Variants in DTL observed in about 807,000 individuals in gnomAD.
DTL encodes the protein denticleless protein homolog.
Under a neutral mutation model 87.0 loss-of-function variants are expected in DTL, and 46 were observed. The ratio of observed to expected loss-of-function variants is 0.53; its 90% CI spans 0.42 to 0.68. The LOEUF is 0.68. Ranked by LOEUF, DTL falls within the 30% of genes least tolerant of loss-of-function variation. The probability of loss-of-function intolerance (pLI) is 0.00; values close to 1 mark genes in which losing one functional copy is unlikely to be tolerated. For synonymous variants in DTL, 308 were observed against 311.2 expected, an observed-to-expected ratio of 0.99 and a Z score of 0.11; for missense variants, 737 against 869.4, an observed-to-expected ratio of 0.85 and a Z score of 1.91.
At chr1:212,066,354 A>C (rs1409136076) in intron 7 of DTL, among the ~76,000 whole-genome samples, 5 of 152,198 alleles carry the variant, frequency 3.3e-5, no homozygotes, top group Non-Finnish European at 7.3e-5. Flanking sequence ...TTGTTAAGTA[A>C]TAGCAATTAG....
At chr1:212,044,818 A>G (rs1667764021) in intron 3 of DTL, 60 bp downstream of exon 3, 2 of 972,748 alleles carry the variant, frequency 2.1e-6, no homozygotes, top group Admixed American at 1.9e-5. Flanking sequence ...ATCCTCAAGT[A>G]TATTATTATT....
At chr1:212,075,942 A>T (rs1490231049) in intron 11 of DTL, among the ~76,000 whole-genome samples, 1 of 152,196 alleles carries the variant, frequency 6.6e-6, no homozygotes, top group East Asian at 1.9e-4. Flanking sequence ...TATTCTAGAC[A>T]TTTCATATAA....
intron 1 of DTL, among the ~76,000 whole-genome samples, chr1:212,042,097 TCA>T (rs1469069977): frequency 4.6e-5 from 7 of 152,226 alleles, no homozygotes; most frequent in Admixed American, 1.3e-4. Flanking sequence ...GATTGTAAAC[TCA>T]GTGTTTCCTC....
chr1:212,090,292 AAC>A (rs1485489655), intron 13 of DTL, among the ~76,000 whole-genome samples: 2 of 152,224 alleles, frequency 1.3e-5, no homozygotes, highest in African/African-American at 2.4e-5. Flanking sequence ...AGGAGTGAAA[AAC>A]ACAGGGTAAA....
At chr1:212,086,555 A>G (rs563820104) in intron 13 of DTL, among the ~76,000 whole-genome samples, 6 of 151,924 alleles carry the variant, frequency 3.9e-5, no homozygotes, top group African/African-American at 1.4e-4. Context: ...ACGCCTGGAT[A>G]ATTTTTGTAT....
intron 5 of DTL, among the ~76,000 whole-genome samples, chr1:212,062,010 C>T (rs889858104): frequency 1.3e-5 from 2 of 152,078 alleles, no homozygotes; most frequent in Non-Finnish European, 1.5e-5. Flanking sequence ...TAAAATGTTC[C>T]CAGCACATAG....
intron 13 of DTL, among the ~76,000 whole-genome samples, chr1:212,091,082 G>A (rs975848874): frequency 2.0e-5 from 3 of 152,154 alleles, no homozygotes; most frequent in Admixed American, 2.0e-4. Flanking sequence ...CTGTATTAAT[G>A]TGGGAAATGT....
chr1:212,070,540 G>A (rs1654639361), intron 10 of DTL, among the ~76,000 whole-genome samples: 1 of 151,730 alleles, frequency 6.6e-6, no homozygotes, highest in African/African-American at 2.4e-5. Context: ...AGCCTGGGAG[G>A]TTTGAGTCTT....
chr1:212,042,474 A>G (rs1280755319), intron 1 of DTL, among the ~76,000 whole-genome samples: 5 of 152,252 alleles, frequency 3.3e-5, no homozygotes, highest in African/African-American at 1.2e-4. Context: ...AATTGCTGCT[A>G]TTGACATTTT....
At chr1:212,098,987 T>C (rs1042517892) in intron 13 of DTL, among the ~76,000 whole-genome samples, 1 of 152,196 alleles carries the variant, frequency 6.6e-6, no homozygotes, top group Non-Finnish European at 1.5e-5. Flanking sequence ...GAAAGTCTCC[T>C]TCTCCCTATG....
In DTL at chr1:212,047,377, A is replaced by C; in HGVS notation, c.420A>C (p.Gln140His). The change falls in exon 5 of 15, where the codon CAA (glutamine) becomes CAC (histidine). Residue 140 changes from glutamine to histidine, a missense_variant. Transcript: ENST00000366991. ...GELIGTCKGH[Q>H]CSLKSVAFSK... Reference sequence around the variant, plus strand: ...TGATTGGAACATGCAAAGGTCATCAATGCAGCCTCAAGTCAGTTGCCTTTT... The same window carrying C: ...TGATTGGAACATGCAAAGGTCATCACTGCAGCCTCAAGTCAGTTGCCTTTT... 6.2e-7 allele frequency: 1 copy of C among 1,614,222 alleles called. No individual in the cohort carries two copies. Among genetic ancestry groups the C allele is most frequent in the African/African-American group, 1.3e-5 (1 of 75,050 alleles).
chr1:212,086,258 A>G (rs149783035), intron 13 of DTL, among the ~76,000 whole-genome samples: 31 of 152,274 alleles, frequency 2.0e-4, no homozygotes, highest in Admixed American at 4.6e-4. Flanking sequence ...ATGTCTTTCT[A>G]TTGCCTGTCG....
intron 14 of DTL, among the ~76,000 whole-genome samples, chr1:212,101,639 TC>T (rs1655628817): frequency 6.6e-6 from 1 of 152,244 alleles, no homozygotes; most frequent in Non-Finnish European, 1.5e-5. Context: ...TTATGACTTC[TC>T]CACAATCTTT....
chr1:212,042,742 C>T (rs1182093102), intron 1 of DTL, among the ~76,000 whole-genome samples: 2 of 152,178 alleles, frequency 1.3e-5, no homozygotes, highest in Non-Finnish European at 2.9e-5. Context: ...TCTCAATGTA[C>T]TAGTGAGAGT....
At chr1:212,059,295 A>G (rs1668267596) in intron 5 of DTL, among the ~76,000 whole-genome samples, 2 of 151,884 alleles carry the variant, frequency 1.3e-5, no homozygotes, top group South Asian at 4.1e-4. Context: ...TGAATTCAAC[A>G]GCACATTAAA....
At chr1:212,038,556 CTTCT>C (rs1205763778) in intron 1 of DTL, among the ~76,000 whole-genome samples, 1 of 152,194 alleles carries the variant, frequency 6.6e-6, no homozygotes, top group Non-Finnish European at 1.5e-5. Flanking sequence ...TCCATCCTCT[CTTCT>C]TTATCTGTTA....
At chr1:212,087,220 G>C (rs1655155394) in intron 13 of DTL, among the ~76,000 whole-genome samples, 1 of 152,154 alleles carries the variant, frequency 6.6e-6, no homozygotes, top group African/African-American at 2.4e-5. Context: ...TAGAACACAT[G>C]CTCAGAACCA....
intron 5 of DTL, among the ~76,000 whole-genome samples, chr1:212,058,661 C>A (rs1460394261): frequency 6.6e-6 from 1 of 151,726 alleles, no homozygotes; most frequent in African/African-American, 2.4e-5. Flanking sequence ...ACAAACCAAA[C>A]CCCAAATTAA....
At chr1:212,062,815 G>T (rs4951436) in intron 5 of DTL, 69 bp from the exon 6 acceptor site, 1,253,945 of 1,328,182 alleles carry the variant, frequency 0.94, 592,391 homozygotes, top group East Asian at 1. Flanking sequence ...TCTACAAAAT[G>T]TAAACTGAAA....
Sources: allele counts gnomAD v4.1 joint callset (sites outside exome capture counted in the v4.1 genomes callset), GRCh38; gene constraint gnomAD v4.1.1; transcripts MANE v1.5; gene names NCBI Gene and HGNC (gene_info 2026-07-23, HGNC 2026-07-21).